The following ASAP1 variants were observed in gnomAD, a reference collection of about 807,000 sequenced individuals.
ASAP1 encodes the protein arf-GAP with SH3 domain, ANK repeat and PH domain-containing protein 1.
ASAP1 carries 43 observed loss-of-function variants against 145.2 expected under a neutral mutation model. That is an observed-to-expected ratio of 0.30 (90% CI 0.23 to 0.38). The LOEUF (loss-of-function observed/expected upper bound fraction) is 0.38, where lower values mean the gene tolerates loss of function less well. ASAP1 is among the 10% of genes least tolerant of loss of function. The probability of loss-of-function intolerance (pLI) is 1.00; values close to 1 mark genes in which losing one functional copy is unlikely to be tolerated. For synonymous variants in ASAP1, 546 were observed against 515.5 expected, an observed-to-expected ratio of 1.06 and a Z score of -0.80; for missense variants, 1,018 against 1,355.3, an observed-to-expected ratio of 0.75 and a Z score of 3.91.
intron 4 of ASAP1, among the ~76,000 whole-genome samples, chr8:130,219,243 C>A (rs1402715885): frequency 6.6e-6 from 1 of 151,460 alleles, no homozygotes; most frequent in Non-Finnish European, 1.5e-5. Context: ...AAAGTCAATA[C>A]TAGAAAGATC....
At chr8:130,354,818 G>C (rs1826207773) in intron 3 of ASAP1, among the ~76,000 whole-genome samples, 1 of 152,118 alleles carries the variant, frequency 6.6e-6, no homozygotes, top group African/African-American at 2.4e-5. Flanking sequence ...GTGAACCCCT[G>C]AGCCATGTGT....
chr8:130,160,033 C>CAAAGGCTCAATGGCAGA, intron 11 of ASAP1, 69 bp from the exon 12 acceptor site: 2 of 1,367,890 alleles, frequency 1.5e-6, no homozygotes, highest in Non-Finnish European at 2.1e-6. Context: ...TCTATTCTGC[C>CAAAGGCTCAATGGCAGA]ATTGAGCCTT....
chr8:130,246,186 C>A (rs548846045), intron 3 of ASAP1, among the ~76,000 whole-genome samples: 17 of 151,924 alleles, frequency 1.1e-4, no homozygotes, highest in Non-Finnish European at 1.8e-4. Context: ...CCTTCGCCCC[C>A]CCATGGGAAA....
chr8:130,187,901 T>C (rs1298630974), intron 6 of ASAP1, among the ~76,000 whole-genome samples: 1 of 152,174 alleles, frequency 6.6e-6, no homozygotes, highest in Non-Finnish European at 1.5e-5. Context: ...ACCTTCCCAA[T>C]CTTCTTGAAA....
intron 3 of ASAP1, chr8:130,340,977 T>C (rs1825344961): frequency 4.5e-6 from 2 of 442,122 alleles, no homozygotes; most frequent in Non-Finnish European, 9.0e-6. Flanking sequence ...TTTTTGTTTT[T>C]GTTTTGTCGC....
chr8:130,233,547 A>T (rs1053285563), intron 4 of ASAP1, among the ~76,000 whole-genome samples: 1 of 152,314 alleles, frequency 6.6e-6, no homozygotes. Context: ...TGTTTGGCTT[A>T]GCCTAGTACA....
In ASAP1 at chr8:130,162,457, T is replaced by C. The variant is rs377002166; in HGVS notation, c.910-2493A>G. On this transcript the variant is annotated intron_variant, in intron 11 of 29. Coordinates refer to ENST00000518721, the MANE Select transcript of ASAP1 (RefSeq NM_018482.4). Reference sequence around the variant, plus strand: ...GGCTTTCTGCTTTAATCCAACAAAATCACAGGAAAATTACTCAATTATGAA... The same window carrying C: ...GGCTTTCTGCTTTAATCCAACAAAACCACAGGAAAATTACTCAATTATGAA... 1.8e-4 allele frequency among the ~76,000 whole-genome samples: 28 copies of C among 152,178 alleles called. No individual in the cohort carries two copies. The East Asian group carries it at 4.8e-3, about 26-fold the overall frequency.
chr8:130,139,414 G>A (rs573270648), intron 13 of ASAP1, among the ~76,000 whole-genome samples: 1 of 152,278 alleles, frequency 6.6e-6, no homozygotes, highest in African/African-American at 2.4e-5. Flanking sequence ...GAGAAGGACT[G>A]CCTTTGAAAA....
At chr8:130,123,233 T>A (rs1289035328) in intron 18 of ASAP1, among the ~76,000 whole-genome samples, 1 of 152,218 alleles carries the variant, frequency 6.6e-6, no homozygotes, top group African/African-American at 2.4e-5. Context: ...ACATTTATAA[T>A]TTTGGTAAAT....
intron 7 of ASAP1, among the ~76,000 whole-genome samples, chr8:130,184,301 C>G (rs1418778398): frequency 1.3e-5 from 2 of 152,148 alleles, no homozygotes; most frequent in Admixed American, 6.5e-5. Flanking sequence ...ATGTAATCCT[C>G]GTCTACCACA....
At chr8:130,200,814 T>C (rs1212399276) in intron 5 of ASAP1, among the ~76,000 whole-genome samples, 1 of 152,228 alleles carries the variant, frequency 6.6e-6, no homozygotes, top group Non-Finnish European at 1.5e-5. Flanking sequence ...CAGCAGCCTA[T>C]TTCTCATTCA....
chr8:130,120,377 G>A (rs922539218), intron 18 of ASAP1, among the ~76,000 whole-genome samples: 1 of 152,214 alleles, frequency 6.6e-6, no homozygotes, highest in Non-Finnish European at 1.5e-5. Context: ...TGCTAACTAT[G>A]TGACCCTGGG....
chr8:130,101,302 T>C (rs1195946662), intron 24 of ASAP1, among the ~76,000 whole-genome samples: 1 of 152,212 alleles, frequency 6.6e-6, no homozygotes, highest in Non-Finnish European at 1.5e-5. Flanking sequence ...GATTGCTTTT[T>C]TCTGTTTCTA....
chr8:130,121,850 C>A (rs542181459), intron 18 of ASAP1, among the ~76,000 whole-genome samples: 1 of 149,996 alleles, frequency 6.7e-6, no homozygotes, highest in Non-Finnish European at 1.5e-5. Flanking sequence ...TCAGATCACG[C>A]CACTCCTGTT....
intron 1 of ASAP1, among the ~76,000 whole-genome samples, chr8:130,410,710 C>T (rs1466201999): frequency 6.6e-6 from 1 of 152,246 alleles, no homozygotes; most frequent in Non-Finnish European, 1.5e-5. Context: ...CAGCTGCCCC[C>T]TCATGCTGCA....
At position 130,063,420 on chromosome 8, in the gene ASAP1, T is replaced by C. The variant is rs540192983; in HGVS notation, c.2702-2351A>G. Among the ~76,000 whole-genome samples, 82 of 152,260 alleles carry C rather than the reference T, an allele frequency of 5.4e-4. 1 individual carries two copies. Among genetic ancestry groups the C allele is most frequent in the Non-Finnish European group, 1.3e-4 (9 of 68,016 alleles). On this transcript the variant is annotated intron_variant, in intron 27 of 29. Transcript: ENST00000518721. ...GGTATTTAGACCCTGTTCCACATCC[T>C]CTCTCCGCACTCCTGGCTTTGGTGT...
At chr8:130,150,873 C>A (rs1160544419) in intron 13 of ASAP1, among the ~76,000 whole-genome samples, 1 of 152,096 alleles carries the variant, frequency 6.6e-6, no homozygotes, top group African/African-American at 2.4e-5. Flanking sequence ...GAGCCAGACC[C>A]TGTCTCAAAC....
intron 25 of ASAP1, chr8:130,082,638 G>C (rs2097483461): frequency 1.3e-5 from 2 of 151,376 alleles, no homozygotes; most frequent in Admixed American, 6.6e-5. Flanking sequence ...CAAGTAGCTA[G>C]GACTACATGC....
intron 3 of ASAP1, among the ~76,000 whole-genome samples, chr8:130,276,599 C>T (rs533598008): frequency 6.6e-6 from 1 of 151,782 alleles, no homozygotes; most frequent in Admixed American, 6.6e-5. Flanking sequence ...CTGAGACAAT[C>T]TGGAGTAAAT....
Sources: allele counts gnomAD v4.1 joint callset (sites outside exome capture counted in the v4.1 genomes callset), GRCh38; gene constraint gnomAD v4.1.1; transcripts MANE v1.5; gene names NCBI Gene and HGNC (gene_info 2026-07-23, HGNC 2026-07-21).